Variants in IFT88 observed in about 807,000 individuals in gnomAD.
The protein encoded by IFT88 is intraflagellar transport protein 88 homolog.
In IFT88, 74 loss-of-function variants were observed where a neutral mutation model predicts 119.5. The ratio of observed to expected loss-of-function variants is 0.62; its 90% confidence interval spans 0.51 to 0.75. IFT88 has a LOEUF of 0.75. Among genes scored for constraint, IFT88 ranks in the 30% least tolerant of loss-of-function variants. The pLI is 0.00. For synonymous variants in IFT88, 279 were observed against 316.7 expected (o/e 0.88, Z 1.26); for missense variants, 961 against 977.7 (o/e 0.98, Z 0.23).
Position 20,659,799 on chromosome 13 carries a change from AT to A in IFT88, c.2068+3370del, listed in dbSNP as rs1263226869. ...GCTGGGATTACAGGTGCCTGCCACC[AT>A]GCCCAGCTAATTTTTGTAGTTTTAG... is the stretch of plus-strand genomic sequence containing the variant. On this transcript the variant is annotated intron_variant, in intron 22 of 25. Transcript: ENST00000351808. Among the ~76,000 whole-genome samples the A allele has an allele frequency of 7.9e-5, 12 of 152,186 alleles. No homozygotes were observed. The East Asian group carries it at 2.3e-3, about 29-fold the overall frequency.
intron 20 of IFT88, among the ~76,000 whole-genome samples, chr13:20,651,786 A>G (rs78218392): frequency 0.012 from 1,855 of 152,270 alleles, 37 homozygotes; most frequent in African/African-American, 0.043. Context: ...AATAGTATAT[A>G]TAGGGTTCAG....
intron 12 of IFT88, among the ~76,000 whole-genome samples, chr13:20,603,074 CTA>C (rs1266549072): frequency 6.6e-6 from 1 of 152,062 alleles, no homozygotes; most frequent in African/African-American, 2.4e-5. Flanking sequence ...AGTTTCTGAG[CTA>C]TGAGATTGTA....
chr13:20,648,273 A>G (rs1184827247), intron 20 of IFT88, among the ~76,000 whole-genome samples: 1 of 152,030 alleles, frequency 6.6e-6, no homozygotes, highest in Non-Finnish European at 1.5e-5. Flanking sequence ...GCAGGTGCCT[A>G]TAGTCCCAGC....
At chr13:20,640,466 A>G (rs916964843) in intron 17 of IFT88, among the ~76,000 whole-genome samples, 4 of 151,846 alleles carry the variant, frequency 2.6e-5, no homozygotes, top group African/African-American at 4.8e-5. Flanking sequence ...CCAGCTACTC[A>G]GGAGGCTGAG....
chr13:20,618,407 G>A (rs905985849), intron 14 of IFT88, among the ~76,000 whole-genome samples: 1 of 152,140 alleles, frequency 6.6e-6, no homozygotes, highest in Non-Finnish European at 1.5e-5. Context: ...CTACTATACT[G>A]TAACTCTTTA....
chr13:20,616,062 T>C (rs889192647), intron 14 of IFT88, among the ~76,000 whole-genome samples, 183 bp downstream of exon 14: 1 of 152,230 alleles, frequency 6.6e-6, no homozygotes, highest in Non-Finnish European at 1.5e-5. Context: ...AAGATACTTA[T>C]TACTCATGTT....
chr13:20,580,896 T>G (rs1467365483), intron 2 of IFT88, among the ~76,000 whole-genome samples: 3 of 151,950 alleles, frequency 2.0e-5, no homozygotes, highest in African/African-American at 7.3e-5. Flanking sequence ...TGGCTAATTT[T>G]TTGTATTTTT....
intron 15 of IFT88, among the ~76,000 whole-genome samples, chr13:20,630,445 T>C (rs2048027291): frequency 6.6e-6 from 1 of 152,214 alleles, no homozygotes; most frequent in Non-Finnish European, 1.5e-5. Flanking sequence ...AATTATTTTG[T>C]AAAGATCAAA....
intron 24 of IFT88, among the ~76,000 whole-genome samples, chr13:20,679,368 C>T (rs529697756): frequency 6.6e-5 from 10 of 152,254 alleles, no homozygotes; most frequent in South Asian, 2.1e-4. Context: ...CCAGCTACCA[C>T]GGCAGTAGCT....
At position 20,625,858 on chromosome 13, in the gene IFT88, T is replaced by TA. The variant is rs1566248785; in HGVS notation, c.1299+17dup. The stretch of plus-strand genomic sequence containing the variant: ...AAAAAGACTATAACCAAGTAAGTTT[T>TA]AAAAAAAATTTTAGATGGAATTCCA... On this transcript the variant is annotated intron_variant, in intron 15 of 25. Coordinates refer to ENST00000351808, the MANE Select transcript of IFT88 (RefSeq NM_006531.5). 31 of 1,506,134 alleles carry TA rather than the reference T, an allele frequency of 2.1e-5. No individual in the cohort carries two copies. The highest frequency in any genetic ancestry group is 1.3e-4 in the Admixed American group (6 of 47,630). 93.3% of individuals were successfully genotyped at this position (1,506,134 alleles called of 1,614,324 possible).
rs566543470 is a variant in IFT88, at chr13:20,647,952, A to G, written c.1949+2994A>G. Among the ~76,000 whole-genome samples the G allele has an allele frequency of 4.5e-4, 68 of 152,338 alleles. 1 individual carries two copies. Among genetic ancestry groups the G allele is most frequent in the African/African-American group, 1.5e-3 (64 of 41,572 alleles). ...GAGAATCTCGACAGCAACAAGAGAA[A>G]AGTGGCTTATCACATACAGGGACCC... On this transcript the variant is annotated intron_variant, in intron 20 of 25. Transcript: ENST00000351808.
chr13:20,577,118 C>T (rs772942043), intron 2 of IFT88, among the ~76,000 whole-genome samples: 45 of 151,964 alleles, frequency 3.0e-4, no homozygotes, highest in Admixed American at 1.6e-3. Flanking sequence ...TAATTTTATT[C>T]GTAGATATTC....
At position 20,643,488 on chromosome 13, in the gene IFT88, T is replaced by G. The variant is rs1466237015; in HGVS notation, c.1716T>G (p.Ile572Met). 3.7e-6 allele frequency: 6 copies of G among 1,608,118 alleles called. No homozygotes were observed. The highest frequency in any genetic ancestry group is 5.1e-6 in the Non-Finnish European group (6 of 1,178,386). The change falls in exon 19 of 26, where the codon ATT becomes ATG. Residue 572 changes from isoleucine to methionine, a missense_variant. Physicochemically the swap from Ile to Met is conservative, Grantham distance 10. Coordinates refer to ENST00000351808, the MANE Select transcript of IFT88 (RefSeq NM_006531.5). ...TAATGGAAAATCCCAGTCAAGCTAT[T>G]GAATGGCTAATGCAGGTGGTCAGTG... Reference protein sequence around the residue: ...YELMENPSQAIEWLMQVVSVI... With the variant: ...YELMENPSQAMEWLMQVVSVI...
chr13:20,639,950 G>A (rs375419924), intron 17 of IFT88, among the ~76,000 whole-genome samples: 2 of 151,376 alleles, frequency 1.3e-5, no homozygotes, highest in South Asian at 2.1e-4. Flanking sequence ...CACTACGCCC[G>A]TCTAATTTTT....
chr13:20,663,776 CA>C (rs538211227), intron 23 of IFT88, among the ~76,000 whole-genome samples, 172 bp downstream of exon 23: 318 of 152,224 alleles, frequency 2.1e-3, no homozygotes, highest in Non-Finnish European at 3.0e-3. Flanking sequence ...AAAATTCTGG[CA>C]AAAGTGGATT....
Position 20,638,492 on chromosome 13 carries a change from C to T in IFT88, c.1547C>T (p.Ser516Phe). ...FYKEALRNDS[S>F]CTEALYNIGL... Reference sequence around the variant, plus strand: ...AAAGAGGCTCTAAGAAATGATTCTTCTTGTACTGAAGCACTTTATAATATT... The same window carrying T: ...AAAGAGGCTCTAAGAAATGATTCTTTTTGTACTGAAGCACTTTATAATATT... The change falls in exon 17 of 26, where the codon TCT (serine) becomes TTT (phenylalanine). Residue 516 changes from serine to phenylalanine, a missense_variant. Transcript: ENST00000351808. 2 of 1,496,660 alleles carry T rather than the reference C, an allele frequency of 1.3e-6. No individual in the cohort carries two copies. Among genetic ancestry groups the T allele is most frequent in the South Asian group, 1.4e-5 (1 of 69,004 alleles). The allele number at this position is 1,496,660 out of a possible 1,614,324, so 92.7% of individuals were successfully genotyped here.
Position 20,622,120 on chromosome 13 carries a change from A to T in IFT88, c.1200-3630A>T, listed in dbSNP as rs2046630944. ...GGATTTTTGAATATTTCTGTTTACCAATTGAGCATCCCAAATCCAGAGTCT... is the reference window on the plus strand; with the variant it reads ...GGATTTTTGAATATTTCTGTTTACCTATTGAGCATCCCAAATCCAGAGTCT... On this transcript the variant is annotated intron_variant, in intron 14 of 25. Coordinates refer to ENST00000351808, the MANE Select transcript of IFT88 (RefSeq NM_006531.5). Among the ~76,000 whole-genome samples the T allele has an allele frequency of 2.0e-5, 3 of 152,184 alleles. No homozygotes were observed. The South Asian group carries it at 6.2e-4, about 32-fold the overall frequency.
chr13:20,687,389 G>A (rs1272018053), intron 24 of IFT88, among the ~76,000 whole-genome samples: 1 of 145,232 alleles, frequency 6.9e-6, no homozygotes, highest in Non-Finnish European at 1.5e-5. Context: ...ATATGAATAA[G>A]GCCCAGGTGC....
At position 20,664,609 on chromosome 13, in the gene IFT88, T is replaced by C. The variant is rs373591256; in HGVS notation, c.2175+1005T>C. Among the ~76,000 whole-genome samples, 354 of 152,232 alleles carry C rather than the reference T, an allele frequency of 2.3e-3. 1 individual carries two copies. The highest frequency in any genetic ancestry group is 0.017 in the South Asian group (81 of 4,812). ...CTGCTTCACTGAACATGAAAAACAT[T>C]AGCAGACAAACAAAGAGGTCTGTCA... On this transcript the variant is annotated intron_variant, in intron 23 of 25. Transcript: ENST00000351808.
Sources: gnomAD v4.1 joint callset for allele counts (sites outside exome capture counted in the v4.1 genomes callset) on GRCh38, gnomAD v4.1.1 for gene constraint, MANE v1.5 for transcripts, NCBI Gene and HGNC (gene_info 2026-07-23, HGNC 2026-07-21) for gene names.